Variants in MYLK observed in about 807,000 individuals in gnomAD.
MYLK encodes the protein myosin light chain kinase.
A neutral mutation model predicts 203.4 loss-of-function variants in MYLK; 106 were observed. The observed-to-expected ratio is 0.52, with a 90% CI of 0.45 to 0.61. The LOEUF (loss-of-function observed/expected upper bound fraction) is 0.61, where lower values mean the gene tolerates loss of function less well. MYLK is among the 20% of genes least tolerant of loss of function. MYLK has a pLI of 0.00. For synonymous variants in MYLK, 867 were observed against 959.5 expected (o/e 0.90, Z 1.78); for missense variants, 2,072 against 2,442.3 (o/e 0.85, Z 3.20).
chr3:123,714,076 G>C (rs1217617379), intron 13 of MYLK, among the ~76,000 whole-genome samples: 2 of 152,126 alleles, frequency 1.3e-5, no homozygotes, highest in African/African-American at 4.8e-5. Flanking sequence ...TTCATGTAAC[G>C]ATGATTCCTT....
Position 123,703,345 on chromosome 3 carries a change from C to T in MYLK, c.2391-1836G>A, listed in dbSNP as rs1576639255. Among the ~76,000 whole-genome samples the T allele has an allele frequency of 2.6e-5, 4 of 152,350 alleles. No homozygotes were observed. In the South Asian group the frequency reaches 8.3e-4, roughly 32 times the overall value. On this transcript the variant is annotated intron_variant, in intron 16 of 33. Coordinates refer to ENST00000360304, the MANE Select transcript of MYLK (RefSeq NM_053025.4). ...TGCTGGGCTCCTCTCCTTTGTCCTT[C>T]TCTCCAGTGCCCTCGTGCTGTCCCA...
At chr3:123,772,421 T>A (rs193213032) in intron 4 of MYLK, among the ~76,000 whole-genome samples, 30 of 152,088 alleles carry the variant, frequency 2.0e-4, no homozygotes, top group Non-Finnish European at 1.0e-4. Flanking sequence ...CTATTCAAGA[T>A]CCCTTCCTCA....
intron 2 of MYLK, among the ~76,000 whole-genome samples, chr3:123,870,417 A>G (rs2032694171): frequency 6.6e-6 from 1 of 152,202 alleles, no homozygotes; most frequent in Non-Finnish European, 1.5e-5. Flanking sequence ...CCCAGCCACA[A>G]AGGTTCACTA....
chr3:123,724,459 T>C (rs1324574988), intron 12 of MYLK, among the ~76,000 whole-genome samples: 3 of 152,190 alleles, frequency 2.0e-5, no homozygotes, highest in African/African-American at 7.2e-5. Flanking sequence ...ACAAGGAGGC[T>C]GCCTCCTTGA....
At chr3:123,725,829 T>G (rs886131347) in intron 12 of MYLK, 115 bp downstream of exon 12, 1 of 1,473,598 alleles carries the variant, frequency 6.8e-7, no homozygotes, top group African/African-American at 1.4e-5. Context: ...TGTGCTTCCT[T>G]CTCATACCAC....
chr3:123,620,874 T>C (rs1301951585), intron 31 of MYLK: 1 of 159,242 alleles, frequency 6.3e-6, no homozygotes, highest in African/African-American at 2.4e-5. Context: ...TTCAGTCTCC[T>C]TCTCTAGGAG....
At chr3:123,620,425 CCA>C in intron 31 of MYLK, 89 bp from the exon 32 acceptor site, 2 of 1,602,448 alleles carry the variant, frequency 1.2e-6, no homozygotes, top group Non-Finnish European at 1.7e-6. Flanking sequence ...GAGCCCAGCC[CCA>C]GAGAAGCAGC....
intron 2 of MYLK, among the ~76,000 whole-genome samples, chr3:123,841,993 C>T (rs2066602659): frequency 6.6e-6 from 1 of 152,078 alleles, no homozygotes; most frequent in Non-Finnish European, 1.5e-5. Flanking sequence ...TCCAGGTATA[C>T]TCATGTCTCT....
intron 29 of MYLK, among the ~76,000 whole-genome samples, chr3:123,631,532 G>A (rs1197674333): frequency 6.6e-6 from 1 of 152,190 alleles, no homozygotes; most frequent in Non-Finnish European, 1.5e-5. Context: ...AGCTTCAGGA[G>A]TAAGGCTTTG....
At chr3:123,666,156 C>G (rs370820792) in intron 22 of MYLK, 63 bp downstream of exon 22, 13 of 1,612,950 alleles carry the variant, frequency 8.1e-6, no homozygotes, top group Non-Finnish European at 9.3e-6. Context: ...TCATCCCTTT[C>G]GGTCCAAAGG....
intron 27 of MYLK, among the ~76,000 whole-genome samples, chr3:123,645,151 T>C (rs1461812453): frequency 4.6e-5 from 7 of 152,220 alleles, no homozygotes; most frequent in Non-Finnish European, 7.3e-5. Context: ...CTGTGCCCTA[T>C]ATGCATTATT....
intron 9 of MYLK, chr3:123,734,469 T>A (rs2062605750): frequency 2.3e-6 from 1 of 436,732 alleles, no homozygotes; most frequent in South Asian, 5.8e-5. Flanking sequence ...TCCCTACAGT[T>A]CCCTTCTCTA....
At chr3:123,678,880 A>T (rs1303341347) in intron 20 of MYLK, among the ~76,000 whole-genome samples, 3 of 152,214 alleles carry the variant, frequency 2.0e-5, no homozygotes, top group Non-Finnish European at 4.4e-5. Context: ...GAGATGAAAG[A>T]GGACTTTCAT....
intron 4 of MYLK, among the ~76,000 whole-genome samples, chr3:123,756,322 C>T (rs572712844): frequency 9.8e-5 from 15 of 152,322 alleles, no homozygotes; most frequent in African/African-American, 3.4e-4. Flanking sequence ...TATAATCACA[C>T]CATAAGCAAG....
chr3:123,711,940 C>G (rs1250556979), intron 13 of MYLK, among the ~76,000 whole-genome samples: 1 of 152,146 alleles, frequency 6.6e-6, no homozygotes, highest in African/African-American at 2.4e-5. Context: ...GAAAGCAGGC[C>G]TACTGTAGAA....
intron 4 of MYLK, among the ~76,000 whole-genome samples, chr3:123,770,484 T>C (rs768839830): frequency 5.9e-5 from 9 of 152,138 alleles, no homozygotes; most frequent in South Asian, 2.1e-4. Flanking sequence ...CCTTAAGCCA[T>C]ATTAACAGAG....
chr3:123,630,936 A>G (rs34621562), intron 29 of MYLK: 2 of 151,850 alleles, frequency 1.3e-5, no homozygotes, highest in African/African-American at 2.4e-5. Context: ...CATGGGTGTT[A>G]GACCAGCACA....
intron 9 of MYLK, chr3:123,735,003 T>C (rs1460704386): frequency 3.0e-6 from 1 of 329,876 alleles, no homozygotes; most frequent in East Asian, 7.3e-5. Flanking sequence ...CCCCTGCACA[T>C]CCAGCATCTA....
At chr3:123,851,173 T>C (rs1221408855) in intron 2 of MYLK, among the ~76,000 whole-genome samples, 8 of 152,192 alleles carry the variant, frequency 5.3e-5, no homozygotes, top group Non-Finnish European at 7.4e-5. Context: ...TGAAGTCAGG[T>C]AGCGTGATGC....
Sources: gnomAD v4.1 joint callset for allele counts (sites outside exome capture counted in the v4.1 genomes callset) on GRCh38, gnomAD v4.1.1 for gene constraint, MANE v1.5 for transcripts, NCBI Gene and HGNC (gene_info 2026-07-23, HGNC 2026-07-21) for gene names.